P2RX3: variants seen among roughly 807,000 people sequenced by gnomAD.
The protein encoded by P2RX3 is P2X purinoceptor 3.
P2RX3 carries 41 observed loss-of-function variants against 51.5 expected under a neutral mutation model. That is an observed-to-expected ratio of 0.80 (90% CI 0.62 to 1.03). The LOEUF is 1.03. Ranked by LOEUF, P2RX3 falls within the 50% of genes least tolerant of loss-of-function variation. The probability of loss-of-function intolerance (pLI) is 0.00; values close to 1 mark genes in which losing one functional copy is unlikely to be tolerated. For missense variants in P2RX3, 459 were observed against 522.1 expected (o/e 0.88, Z 1.18); for synonymous variants, 185 against 191.6 (o/e 0.97, Z 0.29).
intron 1 of P2RX3, among the ~76,000 whole-genome samples, chr11:57,339,770 A>T (rs1420493739): frequency 6.6e-6 from 1 of 152,210 alleles, no homozygotes; most frequent in Non-Finnish European, 1.5e-5. Context: ...GTCAAAGGAG[A>T]ATCCTGTGTG....
chr11:57,369,281 C>T (rs912906864), intron 10 of P2RX3, 80 bp from the exon 11 acceptor site: 22 of 1,269,156 alleles, frequency 1.7e-5, no homozygotes, highest in Admixed American at 4.1e-5. Flanking sequence ...GGGTGCTGCC[C>T]GAGCCCAGCA....
intron 8 of P2RX3, among the ~76,000 whole-genome samples, chr11:57,352,142 T>A (rs967272013): frequency 6.6e-6 from 1 of 152,208 alleles, no homozygotes; most frequent in Admixed American, 6.5e-5. Flanking sequence ...TATTCTCTGA[T>A]ACAATGGCAT....
chr11:57,342,074 C>T lies in P2RX3; in HGVS notation c.119+3405C>T, dbSNP rs563822127. On this transcript the variant is annotated intron_variant, in intron 1 of 11. Coordinates refer to ENST00000263314, the MANE Select transcript of P2RX3 (RefSeq NM_002559.5). The stretch of plus-strand genomic sequence containing the variant: ...AGCCCAGGGTATCACTGTGAGGCAC[C>T]TTGTCAGCACAATTAAGTGACAGAT... Among the ~76,000 whole-genome samples, 14 of 151,932 alleles carry T rather than the reference C, an allele frequency of 9.2e-5. No homozygotes were observed. The South Asian group carries it at 1.2e-3, about 14-fold the overall frequency.
At chr11:57,349,190 C>T (rs1358187863) in intron 6 of P2RX3, among the ~76,000 whole-genome samples, 2 of 151,762 alleles carry the variant, frequency 1.3e-5, no homozygotes, top group Non-Finnish European at 2.9e-5. Flanking sequence ...AGGCCAGGCG[C>T]AGTGACAAAT....
chr11:57,344,219 T>G (rs10732882), intron 1 of P2RX3, among the ~76,000 whole-genome samples: 90,008 of 151,992 alleles, frequency 0.59, 27,637 homozygotes, highest in African/African-American at 0.72. Context: ...TGCTGGTGCT[T>G]TGACTACACC....
intron 1 of P2RX3, among the ~76,000 whole-genome samples, chr11:57,342,160 T>C (rs1482894912): frequency 7.5e-6 from 1 of 134,024 alleles, no homozygotes; most frequent in East Asian, 2.2e-4. Flanking sequence ...TTTTTTTTTT[T>C]TTTTTTTTTT....
In P2RX3 at chr11:57,350,884, A is replaced by G; in HGVS notation, c.828A>G (p.Pro276=). The change falls in exon 8 of 12, where the codon CCA becomes CCG. Residue 276 remains proline, a synonymous_variant. Transcript: ENST00000263314. ...TTTCTGAGAAAAGCAGCGTGTCCCC[A>G]GGCTACAACTTCAGGTAATTCCCTG... ...DSVSEKSSVS[P]GYNFRFAKYY... is the part of the protein sequence containing the mutation. The G allele has an allele frequency of 6.2e-7, 1 of 1,614,096 alleles. No individual in the cohort carries two copies.
Position 57,338,483 on chromosome 11 carries a change from G to T in P2RX3, c.-68G>T, listed in dbSNP as rs1399885287. On this transcript the variant is annotated 5_prime_UTR_variant, in exon 1 of 12. Transcript: ENST00000263314. ...GGTCGTGATCTCGTCTCCCTGTCCT[G>T]TAGGACCTCCCTCTCCTGAGGCCAC... 13 of 1,130,960 alleles carry T rather than the reference G, an allele frequency of 1.1e-5. No individual in the cohort carries two copies. In the East Asian group the frequency reaches 2.6e-4, roughly 23 times the overall value. The allele number at this position is 1,130,960 out of a possible 1,614,324, so 70.1% of individuals were successfully genotyped here. A position where few individuals can be genotyped will look rare whatever the true frequency, so the allele number is the denominator to read the frequency against.
rs1856874425 is a variant in P2RX3 at position 57,370,818 on chromosome 11, C to T, written c.*821C>T. On this transcript the variant is annotated 3_prime_UTR_variant, in exon 12 of 12. Transcript: ENST00000263314. ...GACCCCACACCCACACACATCTGGG[C>T]CCCCTCACTCTGGGGATTTGATTCC... Among the ~76,000 whole-genome samples the T allele has an allele frequency of 1.3e-5, 2 of 152,030 alleles. No homozygotes were observed. The highest frequency in any genetic ancestry group is 4.8e-5 in the African/African-American group (2 of 41,430).
At chr11:57,338,334 G>A, upstream of P2RX3, 1 of 395,626 alleles carries the variant, frequency 2.5e-6, no homozygotes, top group African/African-American at 2.0e-5. Flanking sequence ...CAAAAAGGGG[G>A]TCCCCCGCCC....
At chr11:57,361,957 C>T (rs1856726371) in intron 8 of P2RX3, among the ~76,000 whole-genome samples, 1 of 152,142 alleles carries the variant, frequency 6.6e-6, no homozygotes, top group African/African-American at 2.4e-5. Context: ...CCGATTTTAG[C>T]TACTTATGGG....
intron 8 of P2RX3, 58 bp from the exon 9 acceptor site, chr11:57,367,951 G>A: frequency 7.1e-7 from 1 of 1,408,220 alleles, no homozygotes; most frequent in African/African-American, 1.4e-5. Flanking sequence ...GACCCAGAAG[G>A]TTCAGGCAGG....
upstream of P2RX3, among the ~76,000 whole-genome samples, chr11:57,338,106 G>A (rs1856268299): frequency 6.6e-6 from 1 of 152,232 alleles, no homozygotes; most frequent in African/African-American, 2.4e-5. Context: ...AGGTGACTGG[G>A]GGATGGGAAA....
rs1251577126 is a variant in P2RX3, at chr11:57,349,775, C to G, written c.582C>G (p.Asn194Lys). 41 of 1,614,204 alleles carry G rather than the reference C, an allele frequency of 2.5e-5. 1 individual carries two copies. The highest frequency in any genetic ancestry group is 3.3e-4 in the Middle Eastern group (2 of 6,062). ...FNFEKGNLLPNLTARDMKTCR... is the reference protein window; with the variant it reads ...FNFEKGNLLPKLTARDMKTCR... Reference sequence around the variant, plus strand: ...TCCCCAGGGGAAACCTCCTTCCCAACCTGACAGCCAGGGACATGAAGACCT... The same window carrying G: ...TCCCCAGGGGAAACCTCCTTCCCAAGCTGACAGCCAGGGACATGAAGACCT... The change falls in exon 7 of 12, where the codon AAC becomes AAG. Residue 194 changes from asparagine to lysine, a missense_variant. Physicochemically the swap from Asn to Lys is moderately conservative, Grantham distance 94. Coordinates refer to ENST00000263314, the MANE Select transcript of P2RX3 (RefSeq NM_002559.5).
intron 7 of P2RX3, among the ~76,000 whole-genome samples, 194 bp downstream of exon 7, chr11:57,350,092 G>GC (rs1268171814): frequency 4.0e-5 from 6 of 150,788 alleles, no homozygotes; most frequent in African/African-American, 1.5e-4. Flanking sequence ...CTTGCCCCCC[G>GC]CCTCCGCCGA....
At chr11:57,353,206 T>C (rs116875371) in intron 8 of P2RX3, among the ~76,000 whole-genome samples, 1,683 of 152,350 alleles carry the variant, frequency 0.011, 18 homozygotes, top group Non-Finnish European at 0.017. Flanking sequence ...GCACTTTCTA[T>C]GATATGGTAA....
At chr11:57,342,233 C>T (rs1856354716) in intron 1 of P2RX3, among the ~76,000 whole-genome samples, 1 of 139,636 alleles carries the variant, frequency 7.2e-6, no homozygotes, top group African/African-American at 2.6e-5. Flanking sequence ...AATCTCGACT[C>T]ACTGCAACCT....
intron 8 of P2RX3, among the ~76,000 whole-genome samples, chr11:57,355,586 C>A (rs908630349): frequency 6.6e-6 from 1 of 152,116 alleles, no homozygotes; most frequent in Non-Finnish European, 1.5e-5. Context: ...AGTAATCCAC[C>A]CACCTTGGTC....
Position 57,338,599 on chromosome 11 carries a change from G to A in P2RX3, c.49G>A (p.Val17Ile), listed in dbSNP as rs955061837. 3 of 1,597,298 alleles carry A rather than the reference G, an allele frequency of 1.9e-6. No individual in the cohort carries two copies. The highest frequency in any genetic ancestry group is 2.6e-6 in the Non-Finnish European group (3 of 1,166,246). ...FFTYETTKSV[V>I]VKSWTIGIIN... is the part of the protein sequence containing the mutation. ...CACCTATGAGACCACCAAGTCGGTG[G>A]TTGTGAAGAGCTGGACCATCGGGAT... The change falls in exon 1 of 12, where the codon GTT becomes ATT. Residue 17 changes from valine to isoleucine, a missense_variant. Physicochemically the swap from Val to Ile is conservative, Grantham distance 29 (BLOSUM62 3). Transcript: ENST00000263314.
Sources: allele counts gnomAD v4.1 joint callset (sites outside exome capture counted in the v4.1 genomes callset), GRCh38; gene constraint gnomAD v4.1.1; transcripts MANE v1.5; gene names NCBI Gene and HGNC (gene_info 2026-07-23, HGNC 2026-07-21).